The following KCNV2 variants were observed in gnomAD, a reference collection of about 807,000 sequenced individuals.
The protein encoded by KCNV2 is potassium voltage-gated channel subfamily V member 2.
In KCNV2, 65 loss-of-function variants were observed where a neutral mutation model predicts 37.0. That is an observed-to-expected ratio of 1.76 (90% CI 1.44 to 2.16). The LOEUF (loss-of-function observed/expected upper bound fraction) is 2.16, where lower values mean the gene tolerates loss of function less well. KCNV2 is among the 30% of genes most tolerant of loss of function. The pLI is 0.00. For synonymous variants in KCNV2, 518 were observed against 328.6 expected, an observed-to-expected ratio of 1.58 and a Z score of -6.23; for missense variants, 1,232 against 766.7, an observed-to-expected ratio of 1.61 and a Z score of -7.17.
chr9:2,723,463 C>T lies in KCNV2; in HGVS notation c.1356+4368C>T, dbSNP rs980413858. Among the ~76,000 whole-genome samples, 4 of 152,294 alleles carry T rather than the reference C, an allele frequency of 2.6e-5. No homozygotes were observed. The East Asian group carries it at 7.7e-4, about 29-fold the overall frequency. On this transcript the variant is annotated intron_variant, in intron 1 of 1. Coordinates refer to ENST00000382082, the MANE Select transcript of KCNV2 (RefSeq NM_133497.4). ...ATTACTGTGAATTCTCCTGCAGCTGCAAAACAAATCCCTCCTGGACACTTA... is the reference window on the plus strand; with the variant it reads ...ATTACTGTGAATTCTCCTGCAGCTGTAAAACAAATCCCTCCTGGACACTTA...
At position 2,717,893 on chromosome 9, in the gene KCNV2, A is replaced by T; in HGVS notation, c.154A>T (p.Asn52Tyr). Reference sequence around the variant, plus strand: ...CCACGGCTGGACAGAGGGCAACTATAACTACTACATCGAGGAAGACGAAGA... The same window carrying T: ...CCACGGCTGGACAGAGGGCAACTATTACTACTACATCGAGGAAGACGAAGA... ...SIHGWTEGNY[N>Y]YYIEEDEDGE... The change falls in exon 1 of 2, where the codon AAC becomes TAC. Residue 52 changes from asparagine (N) to tyrosine (Y), a missense_variant. Asn to Tyr is a moderately radical substitution (Grantham distance 143). Transcript: ENST00000382082. The T allele has an allele frequency of 1.9e-6, 3 of 1,614,138 alleles. No individual in the cohort carries two copies. The highest frequency in any genetic ancestry group is 2.5e-6 in the Non-Finnish European group (3 of 1,180,010).
At chr9:2,719,512 T>G (rs1586688161) in intron 1 of KCNV2, among the ~76,000 whole-genome samples, 1 of 151,988 alleles carries the variant, frequency 6.6e-6, no homozygotes, top group East Asian at 1.9e-4. Context: ...CTTCAGTTTT[T>G]GAAAGAAACT....
At position 2,722,863 on chromosome 9, in the gene KCNV2, A is replaced by G. The variant is rs189196897; in HGVS notation, c.1356+3768A>G. 1.1e-3 allele frequency among the ~76,000 whole-genome samples: 164 copies of G among 152,264 alleles called. 2 individuals are homozygous for G. Among genetic ancestry groups the G allele is most frequent in the Admixed American group, 7.6e-3 (116 of 15,292 alleles). The stretch of plus-strand genomic sequence containing the variant: ...GGCCACATGTCTGCATTCCTCTGGC[A>G]GACTCCAGCAGCCACATGTCGATGG... On this transcript the variant is annotated intron_variant, in intron 1 of 1. Coordinates refer to ENST00000382082, the MANE Select transcript of KCNV2 (RefSeq NM_133497.4).
At chr9:2,725,105 C>A (rs10967743) in intron 1 of KCNV2, among the ~76,000 whole-genome samples, 1 of 152,056 alleles carries the variant, frequency 6.6e-6, no homozygotes, top group Admixed American at 6.6e-5. Flanking sequence ...ATTGAGGGCA[C>A]GGAGAAATGC....
At position 2,719,068 on chromosome 9, in the gene KCNV2, C is replaced by T. The variant is rs1168920991; in HGVS notation, c.1329C>T (p.Thr443=). ...ATGTGCCCAGCACCAACTTCACTAC[C>T]ATCCCCCACTCCTGGTGGTGGGCCG... ...EHDVPSTNFT[T]IPHSWWWAAV... is the part of the protein sequence containing the mutation. Residue 443 remains threonine, a synonymous_variant, in exon 1 of 2, where the codon ACC becomes ACT. Coordinates refer to ENST00000382082, the MANE Select transcript of KCNV2 (RefSeq NM_133497.4). 6.2e-7 allele frequency: 1 copy of T among 1,611,876 alleles called. No homozygotes were observed. The highest frequency in any genetic ancestry group is 1.1e-5 in the South Asian group (1 of 91,080).
intron 1 of KCNV2, among the ~76,000 whole-genome samples, chr9:2,722,308 G>C (rs1489741897): frequency 8.9e-5 from 11 of 123,222 alleles, no homozygotes; most frequent in Admixed American, 8.8e-4. Context: ...TAAATTAGAA[G>C]TTATTTATAA....
At chr9:2,729,317 C>T in intron 1 of KCNV2, 129 bp from the exon 2 acceptor site, 1 of 971,502 alleles carries the variant, frequency 1.0e-6, no homozygotes, top group South Asian at 1.4e-5. Flanking sequence ...CTAAAGCAGG[C>T]TCCGTGGGAA....
At position 2,718,090 on chromosome 9, in the gene KCNV2, C is replaced by CCT. The variant is rs1351360848; in HGVS notation, c.351_352insCT (p.Phe118LeufsTer7). 2.5e-6 allele frequency: 4 copies of CCT among 1,600,690 alleles called. No individual in the cohort carries two copies. In the African/African-American group the frequency reaches 5.3e-5, roughly 21 times the overall value. On this transcript the variant is annotated frameshift_variant, in exon 1 of 2. Transcript: ENST00000382082. LOFTEE classifies it high-confidence loss of function. Reference sequence around the variant, plus strand: ...AGCTGGACTACTGCGAGCTGGCCGGCTTCCCCAAGACGCGCCTAGGTCGCC... The same window carrying CCT: ...AGCTGGACTACTGCGAGCTGGCCGGCCTTTCCCCAAGACGCGCCTAGGTCGCC...
chr9:2,725,310 A>T (rs1472710251), intron 1 of KCNV2, among the ~76,000 whole-genome samples: 1 of 152,260 alleles, frequency 6.6e-6, no homozygotes, highest in East Asian at 1.9e-4. Context: ...CCATGACCTC[A>T]TTCTAACAGT....
intron 1 of KCNV2, among the ~76,000 whole-genome samples, chr9:2,722,186 A>C (rs1426724643): frequency 7.0e-6 from 1 of 141,954 alleles, no homozygotes; most frequent in Non-Finnish European, 1.5e-5. Context: ...TTTATAAATA[A>C]AATAGAAGTT....
In KCNV2 at chr9:2,718,403, G is replaced by A. The variant is rs776522169; in HGVS notation, c.664G>A (p.Ala222Thr). The part of the protein sequence containing the change: ...ERLKIQHELR[A>T]QAQVEEAEEL... The stretch of plus-strand genomic sequence containing the variant: ...GCTCAAGATCCAGCACGAGCTGCGC[G>A]CGCAGGCGCAGGTCGAGGAGGCGGA... The change falls in exon 1 of 2, where the codon GCG becomes ACG. Residue 222 changes from alanine (A) to threonine (T), a missense_variant. Coordinates refer to ENST00000382082, the MANE Select transcript of KCNV2 (RefSeq NM_133497.4). 1.6e-5 allele frequency: 26 copies of A among 1,601,980 alleles called. No homozygotes were observed. Among genetic ancestry groups the A allele is most frequent in the African/African-American group, 1.6e-4 (12 of 74,840 alleles).
Position 2,717,577 on chromosome 9 carries a change from G to A in KCNV2, c.-163G>A. The A allele has an allele frequency of 1.2e-6, 1 of 832,720 alleles. No homozygotes were observed. The highest frequency in any genetic ancestry group is 2.2e-5 in the Admixed American group (1 of 45,598). 51.6% of individuals were successfully genotyped at this position (832,720 alleles called of 1,614,324 possible). A position where few individuals can be genotyped will look rare whatever the true frequency, so the allele number is the denominator to read the frequency against. The stretch of plus-strand genomic sequence containing the variant: ...GCTGGCCTGCCCAGGACCTGAGAAG[G>A]GGCAGCTCCGGTGGCAATGTCTGAG... On this transcript the variant is annotated 5_prime_UTR_variant, in exon 1 of 2. Transcript: ENST00000382082.
rs1190724822 is a variant in KCNV2, at chr9:2,717,968, C to T, written c.229C>T (p.Gln77Ter). 4 of 1,614,144 alleles carry T rather than the reference C, an allele frequency of 2.5e-6. No homozygotes were observed. The highest frequency in any genetic ancestry group is 1.7e-5 in the Admixed American group (1 of 60,026). Residue 77 changes from glutamine to a stop codon, truncating the protein, a stop_gained, in exon 1 of 2, where the codon CAG becomes TAG. Transcript: ENST00000382082. LOFTEE classifies it high-confidence loss of function. Reference sequence around the variant, plus strand: ...GGACGACCTGGCAGAAGAGGACCAGCAGGCAGGGGAGGTCACCACCGCCAA... The same window carrying T: ...GGACGACCTGGCAGAAGAGGACCAGTAGGCAGGGGAGGTCACCACCGCCAA... ...WKDDLAEEDQ[Q>*]AGEVTTAKPE...
chr9:2,727,185 G>C (rs2130867621), intron 1 of KCNV2, among the ~76,000 whole-genome samples: 1 of 151,958 alleles, frequency 6.6e-6, no homozygotes, highest in Middle Eastern at 3.4e-3. Flanking sequence ...CACAACTGGA[G>C]AGAGATCAGC....
chr9:2,729,149 C>T (rs1215335486), intron 1 of KCNV2, among the ~76,000 whole-genome samples: 1 of 152,190 alleles, frequency 6.6e-6, no homozygotes, highest in Non-Finnish European at 1.5e-5. Flanking sequence ...ATGCTCTTTA[C>T]AGCAACCATT....
In KCNV2 at chr9:2,719,094, C is replaced by T. The variant is rs139767162; in HGVS notation, c.1355C>T (p.Ala452Val). The change falls in exon 1 of 2, where the codon GCG (alanine) becomes GTG (valine). Residue 452 changes from alanine (A) to valine (V), a missense_variant and splice_region_variant. Physicochemically the swap from Ala to Val is moderately conservative, Grantham distance 64. Coordinates refer to ENST00000382082, the MANE Select transcript of KCNV2 (RefSeq NM_133497.4). ...ATCCCCCACTCCTGGTGGTGGGCCG[C>T]GGTGAGTACCTTTGCCCTGGGCTTT... The part of the protein sequence containing the change: ...TTIPHSWWWA[A>V]VSISTVGYGD... The T allele has an allele frequency of 8.0e-5, 128 of 1,608,440 alleles. No homozygotes were observed. The African/African-American group carries it at 1.2e-3, about 15-fold the overall frequency.
rs934734484 is a variant in KCNV2 at position 2,729,840 on chromosome 9, G to T, written c.*113G>T. ...AAATGTGAAGCAGACATACACAAAG[G>T]CCATTTCGTTCACAAAGTACTGCCT... On this transcript the variant is annotated 3_prime_UTR_variant, in exon 2 of 2. Transcript: ENST00000382082. The T allele has an allele frequency of 3.5e-6, 4 of 1,154,668 alleles. No homozygotes were observed. Among genetic ancestry groups the T allele is most frequent in the African/African-American group, 1.5e-5 (1 of 64,966 alleles). The allele number at this position is 1,154,668 out of a possible 1,614,324, so 71.5% of individuals were successfully genotyped here. A position where few individuals can be genotyped will look rare whatever the true frequency, so the allele number is the denominator to read the frequency against.
chr9:2,725,332 T>A (rs1421278154), intron 1 of KCNV2, among the ~76,000 whole-genome samples: 3 of 152,226 alleles, frequency 2.0e-5, no homozygotes, highest in Non-Finnish European at 2.9e-5. Flanking sequence ...ATTCCACTAA[T>A]CAAGACATTC....
chr9:2,729,840 G>A lies in KCNV2; in HGVS notation c.*113G>A. 8.7e-7 allele frequency: 1 copy of A among 1,154,788 alleles called. No homozygotes were observed. The highest frequency in any genetic ancestry group is 1.3e-6 in the Non-Finnish European group (1 of 777,206). The allele number at this position is 1,154,788 out of a possible 1,614,324, so 71.5% of individuals were successfully genotyped here. ...AAATGTGAAGCAGACATACACAAAG[G>A]CCATTTCGTTCACAAAGTACTGCCT... is the stretch of plus-strand genomic sequence containing the variant. On this transcript the variant is annotated 3_prime_UTR_variant, in exon 2 of 2. Transcript: ENST00000382082.
Sources: gnomAD v4.1 joint callset for allele counts (sites outside exome capture counted in the v4.1 genomes callset) on GRCh38, gnomAD v4.1.1 for gene constraint, MANE v1.5 for transcripts, NCBI Gene and HGNC (gene_info 2026-07-23, HGNC 2026-07-21) for gene names.